Variants in ADAMTS19 observed in about 807,000 individuals in gnomAD.
ADAMTS19 encodes the protein ADAM metallopeptidase with thrombospondin type 1 motif 19, also known as A disintegrin and metalloproteinase with thrombospondin motifs 19.
In ADAMTS19, 93 loss-of-function variants were observed where a neutral mutation model predicts 153.3. The ratio of observed to expected loss-of-function variants is 0.61; its 90% confidence interval spans 0.51 to 0.72. The LOEUF (loss-of-function observed/expected upper bound fraction) is 0.72, where lower values mean the gene tolerates loss of function less well. ADAMTS19 is among the 30% of genes least tolerant of loss of function. ADAMTS19 has a pLI of 0.00. For missense variants in ADAMTS19, 1,482 were observed against 1,552.1 expected (o/e 0.95, Z 0.76); for synonymous variants, 600 against 556.6 (o/e 1.08, Z -1.10).
intron 21 of ADAMTS19, among the ~76,000 whole-genome samples, chr5:129,733,823 C>T (rs538426099): frequency 1.3e-5 from 2 of 151,830 alleles, no homozygotes; most frequent in African/African-American, 2.4e-5. Context: ...CCAAAGGAAA[C>T]AAAATCCTTG....
At chr5:129,654,734 T>A (rs1039797422) in intron 14 of ADAMTS19, among the ~76,000 whole-genome samples, 1 of 152,078 alleles carries the variant, frequency 6.6e-6, no homozygotes, top group South Asian at 2.1e-4. Flanking sequence ...ACATTTTATG[T>A]CAAAATATTT....
intron 6 of ADAMTS19, among the ~76,000 whole-genome samples, chr5:129,532,274 A>ATG (rs1375845151): frequency 6.6e-6 from 1 of 152,210 alleles, no homozygotes; most frequent in Non-Finnish European, 1.5e-5. Context: ...ATGTTTACGT[A>ATG]TGTGTGTATA....
intron 3 of ADAMTS19, 123 bp downstream of exon 3, chr5:129,509,365 A>G: frequency 1.1e-6 from 1 of 869,796 alleles, no homozygotes; most frequent in Non-Finnish European, 1.7e-6. Flanking sequence ...TTAATTAGTA[A>G]CAATTAAATG....
chr5:129,712,769 G>A (rs1387499126), intron 21 of ADAMTS19, among the ~76,000 whole-genome samples: 1 of 152,116 alleles, frequency 6.6e-6, no homozygotes, highest in Non-Finnish European at 1.5e-5. Flanking sequence ...AGGCACATAT[G>A]CTGTTATATA....
intron 2 of ADAMTS19, among the ~76,000 whole-genome samples, chr5:129,490,600 T>G (rs545289609): frequency 5.2e-4 from 79 of 152,308 alleles, no homozygotes; most frequent in African/African-American, 1.9e-3. Flanking sequence ...TTGATACATC[T>G]ACTATCCTGC....
Position 129,535,560 on chromosome 5 carries a change from A to G in ADAMTS19, c.1328+6883A>G, listed in dbSNP as rs186862186. 2.8e-3 allele frequency among the ~76,000 whole-genome samples: 426 copies of G among 152,302 alleles called. 3 individuals carry two copies. Among genetic ancestry groups the G allele is most frequent in the Admixed American group, 6.0e-3 (92 of 15,292 alleles). On this transcript the variant is annotated intron_variant, in intron 6 of 22. Coordinates refer to ENST00000274487, the MANE Select transcript of ADAMTS19 (RefSeq NM_133638.6). ...TTTCTTCACAGAATTGGAAAAAGCT[A>G]CTTTAAAGTTCATAGGGAACCAAAA...
intron 3 of ADAMTS19, among the ~76,000 whole-genome samples, chr5:129,526,029 A>G (rs184434418): frequency 6.6e-6 from 1 of 152,190 alleles, no homozygotes; most frequent in Admixed American, 6.5e-5. Flanking sequence ...TCTGAAAGAT[A>G]GGTGTTATCA....
intron 12 of ADAMTS19, 68 bp downstream of exon 12, chr5:129,647,963 A>AATT: frequency 6.6e-7 from 1 of 1,521,304 alleles, no homozygotes; most frequent in Non-Finnish European, 8.9e-7. Flanking sequence ...TTTACTGATA[A>AATT]AGCATGTTGG....
At chr5:129,701,687 G>T in intron 20 of ADAMTS19, 95 bp downstream of exon 20, 1 of 1,326,552 alleles carries the variant, frequency 7.5e-7, no homozygotes, top group South Asian at 1.6e-5. Context: ...CATTGAAGTT[G>T]ATATTTTTCT....
At chr5:129,599,086 A>G (rs1478238712) in intron 8 of ADAMTS19, among the ~76,000 whole-genome samples, 1 of 96,348 alleles carries the variant, frequency 1.0e-5, no homozygotes, top group Non-Finnish European at 2.8e-5. Flanking sequence ...TTAATTTATT[A>G]CTTAAAAAAA....
At chr5:129,615,450 C>G (rs1463587897) in intron 8 of ADAMTS19, among the ~76,000 whole-genome samples, 1 of 151,904 alleles carries the variant, frequency 6.6e-6, no homozygotes, top group Non-Finnish European at 1.5e-5. Flanking sequence ...TAGACCTTAC[C>G]TCTAAATATT....
intron 10 of ADAMTS19, among the ~76,000 whole-genome samples, chr5:129,640,128 G>A (rs557189107): frequency 1.6e-4 from 25 of 152,148 alleles, no homozygotes; most frequent in African/African-American, 6.0e-4. Flanking sequence ...ATATTTTGAA[G>A]CTGGAAAAAA....
intron 6 of ADAMTS19, among the ~76,000 whole-genome samples, chr5:129,537,788 AG>A (rs1249314916): frequency 1.3e-5 from 2 of 151,550 alleles, no homozygotes; most frequent in East Asian, 2.0e-4. Flanking sequence ...GGATGGGGGA[AG>A]GGGGGAGGGA....
chr5:129,656,249 G>A (rs577914062), intron 14 of ADAMTS19, among the ~76,000 whole-genome samples: 67 of 152,206 alleles, frequency 4.4e-4, no homozygotes, highest in African/African-American at 1.6e-3. Context: ...ATGGATTGTG[G>A]CTTATAATGG....
chr5:129,654,348 A>G lies in ADAMTS19; in HGVS notation c.2219A>G (p.Gln740Arg). The change falls in exon 14 of 23, where the codon CAG (glutamine) becomes CGG (arginine). Residue 740 changes from glutamine to arginine, a missense_variant. Around this residue, in one of 2 missense-constraint regions of ADAMTS19, gnomAD observed 616 missense variants for 724.4 expected, o/e 0.85. Coordinates refer to ENST00000274487, the MANE Select transcript of ADAMTS19 (RefSeq NM_133638.6). ...TTTTGCTCTCCTGTTGGAAAAGAACAGCCTATTCTTCTATCAGAAAAAGTG... is the reference window on the plus strand; with the variant it reads ...TTTTGCTCTCCTGTTGGAAAAGAACGGCCTATTCTTCTATCAGAAAAAGTG... ...ALFCSPVGKE[Q>R]PILLSEKVMD... The G allele has an allele frequency of 6.2e-7, 1 of 1,613,172 alleles. No individual in the cohort carries two copies. The highest frequency in any genetic ancestry group is 8.5e-7 in the Non-Finnish European group (1 of 1,179,696).
chr5:129,558,593 A>G (rs2126836907), intron 7 of ADAMTS19, among the ~76,000 whole-genome samples: 1 of 152,242 alleles, frequency 6.6e-6, no homozygotes, highest in African/African-American at 2.4e-5. Context: ...ATCTATTAAT[A>G]CAATGCATTC....
chr5:129,669,956 A>G (rs1262403825), intron 16 of ADAMTS19, among the ~76,000 whole-genome samples: 1 of 152,004 alleles, frequency 6.6e-6, no homozygotes, highest in Non-Finnish European at 1.5e-5. Context: ...ACCTTTTAAG[A>G]GCATAGATAG....
At chr5:129,545,693 C>T (rs1752830121) in intron 6 of ADAMTS19, among the ~76,000 whole-genome samples, 1 of 151,276 alleles carries the variant, frequency 6.6e-6, no homozygotes, top group African/African-American at 2.5e-5. Flanking sequence ...GAGATACCAT[C>T]TCACACCAGT....
chr5:129,472,126 A>G (rs541520652), intron 2 of ADAMTS19, among the ~76,000 whole-genome samples: 1 of 152,332 alleles, frequency 6.6e-6, no homozygotes, highest in East Asian at 1.9e-4. Context: ...TTGAGGAATC[A>G]CTTCACTATC....
Sources: allele counts gnomAD v4.1 joint callset (sites outside exome capture counted in the v4.1 genomes callset), GRCh38; gene constraint gnomAD v4.1.1; regional missense constraint gnomAD v4.1.1; transcripts MANE v1.5; gene names NCBI Gene and HGNC (gene_info 2026-07-23, HGNC 2026-07-21).